MAPK8: variants seen among roughly 807,000 people sequenced by gnomAD.
MAPK8 encodes mitogen-activated protein kinase 8, also known as JUN N-terminal kinase.
In MAPK8, 13 loss-of-function variants were observed where a neutral mutation model predicts 52.9. That is an observed-to-expected ratio of 0.25 (90% CI 0.16 to 0.39). The LOEUF (loss-of-function observed/expected upper bound fraction) is 0.39, where lower values mean the gene tolerates loss of function less well. Ranked by LOEUF, MAPK8 falls within the 10% of genes least tolerant of loss-of-function variation. The probability of loss-of-function intolerance (pLI) is 1.00; values close to 1 mark genes in which losing one functional copy is unlikely to be tolerated. For synonymous variants in MAPK8, 191 were observed against 169.8 expected, an observed-to-expected ratio of 1.12 and a Z score of -0.97; for missense variants, 300 against 519.2, an observed-to-expected ratio of 0.58 and a Z score of 4.10.
At chr10:48,337,074 AAAACT>A (rs1309807480) in intron 1 of MAPK8, among the ~76,000 whole-genome samples, 3 of 152,198 alleles carry the variant, frequency 2.0e-5, no homozygotes, top group African/African-American at 7.2e-5. Context: ...ATCACCGCAG[AAAACT>A]AACAAATTCT....
intron 1 of MAPK8, among the ~76,000 whole-genome samples, chr10:48,340,641 C>G (rs1845164685): frequency 6.6e-6 from 1 of 152,200 alleles, no homozygotes; most frequent in Non-Finnish European, 1.5e-5. Context: ...GATGAGAAGT[C>G]TGTTGTAATT....
intron 9 of MAPK8, 137 bp downstream of exon 9, chr10:48,426,641 G>C: frequency 1.2e-6 from 1 of 801,364 alleles, no homozygotes. Context: ...TCTTCATGAA[G>C]ACTACGTCAA....
At chr10:48,434,599 C>T (rs1589337244) in intron 11 of MAPK8, among the ~76,000 whole-genome samples, 1 of 152,168 alleles carries the variant, frequency 6.6e-6, no homozygotes, top group East Asian at 1.9e-4. Flanking sequence ...GCTGCAGGAC[C>T]ATTTCTAAAT....
chr10:48,394,091 A>G (rs2041768606), intron 1 of MAPK8, among the ~76,000 whole-genome samples: 1 of 151,992 alleles, frequency 6.6e-6, no homozygotes, highest in African/African-American at 2.4e-5. Context: ...TTAAGAAGAA[A>G]TAGTTGCCAA....
intron 1 of MAPK8, among the ~76,000 whole-genome samples, chr10:48,352,054 TAAAC>T (rs1311675779): frequency 6.6e-6 from 1 of 152,196 alleles, no homozygotes; most frequent in East Asian, 1.9e-4. Context: ...TTTGATGAAA[TAAAC>T]TAAGTTTTCA....
chr10:48,352,495 A>G lies in MAPK8; in HGVS notation c.-50+45674A>G, dbSNP rs1001474422. On this transcript the variant is annotated intron_variant, in intron 1 of 11. Coordinates refer to ENST00000374189, the MANE Select transcript of MAPK8 (RefSeq NM_001323329.2). ...ATTTGAAAATCTGTCAATGTAATCT[A>G]TCAATGTAACCATATTAACAGGATC... Among the ~76,000 whole-genome samples the G allele has an allele frequency of 4.6e-5, 7 of 152,376 alleles. 1 individual carries two copies. The highest frequency in any genetic ancestry group is 3.9e-4 in the Admixed American group (6 of 15,308).
At chr10:48,340,593 A>G (rs891530096) in intron 1 of MAPK8, among the ~76,000 whole-genome samples, 1 of 152,146 alleles carries the variant, frequency 6.6e-6, no homozygotes, top group African/African-American at 2.4e-5. Flanking sequence ...CTATAAAACA[A>G]AGTTTTAGTT....
intron 1 of MAPK8, among the ~76,000 whole-genome samples, chr10:48,384,561 T>C (rs1351267116): frequency 6.6e-6 from 1 of 152,138 alleles, no homozygotes; most frequent in Non-Finnish European, 1.5e-5. Context: ...AAGCATAATA[T>C]ATGTGTGGAC....
rs75669288 is a variant in MAPK8, at chr10:48,399,026, A to G, written c.-49-2586A>G. On this transcript the variant is annotated intron_variant, in intron 1 of 11. Transcript: ENST00000374189. ...GCATTCGATTTGTTTTTTTCTGCCT[A>G]GAAAGCTCTCTCCTCTCCCTGTCTG... Among the ~76,000 whole-genome samples, 707 of 152,290 alleles carry G rather than the reference A, an allele frequency of 4.6e-3. 10 individuals are homozygous for G. The highest frequency in any genetic ancestry group is 0.029 in the South Asian group (140 of 4,826).
intron 1 of MAPK8, among the ~76,000 whole-genome samples, chr10:48,386,898 G>T (rs1464507734): frequency 6.6e-6 from 1 of 152,164 alleles, no homozygotes; most frequent in Non-Finnish European, 1.5e-5. Flanking sequence ...TAACTTGAAT[G>T]TCTGAATGAC....
intron 1 of MAPK8, among the ~76,000 whole-genome samples, chr10:48,320,814 T>C (rs1842926211): frequency 6.6e-6 from 1 of 152,180 alleles, no homozygotes; most frequent in African/African-American, 2.4e-5. Context: ...TTTTTCAAAG[T>C]GGCTGCACCA....
chr10:48,357,722 T>C (rs1416460953), intron 1 of MAPK8, among the ~76,000 whole-genome samples: 1 of 152,198 alleles, frequency 6.6e-6, no homozygotes, highest in Non-Finnish European at 1.5e-5. Flanking sequence ...AATCTTTTAA[T>C]TATAAAATAC....
At chr10:48,400,276 G>T (rs911603836) in intron 1 of MAPK8, among the ~76,000 whole-genome samples, 1 of 152,308 alleles carries the variant, frequency 6.6e-6, no homozygotes, top group African/African-American at 2.4e-5. Flanking sequence ...TTTTAGAAAT[G>T]TTTCTCTGGA....
intron 1 of MAPK8, among the ~76,000 whole-genome samples, chr10:48,323,543 C>G (rs1015174778): frequency 1.3e-5 from 2 of 152,100 alleles, no homozygotes; most frequent in Admixed American, 6.5e-5. Flanking sequence ...ATGAGAGATA[C>G]AAAATGATAC....
intron 1 of MAPK8, among the ~76,000 whole-genome samples, chr10:48,383,311 C>G (rs1269599649): frequency 6.6e-6 from 1 of 152,118 alleles, no homozygotes; most frequent in African/African-American, 2.4e-5. Context: ...TTTTGCTTGA[C>G]TGTACTCTCT....
At chr10:48,340,357 C>T (rs955867164) in intron 1 of MAPK8, among the ~76,000 whole-genome samples, 6 of 151,962 alleles carry the variant, frequency 3.9e-5, no homozygotes, top group Non-Finnish European at 7.4e-5. Flanking sequence ...TACACATGGA[C>T]GCAAAGATGG....
At chr10:48,408,985 C>T (rs559859213) in intron 3 of MAPK8, among the ~76,000 whole-genome samples, 10 of 152,298 alleles carry the variant, frequency 6.6e-5, no homozygotes, top group African/African-American at 1.7e-4. Context: ...CCATTATGAG[C>T]GCCCCACTCT....
chr10:48,424,447 ATTTC>A (rs898450304), intron 7 of MAPK8: 15 of 1,050,854 alleles, frequency 1.4e-5, no homozygotes, highest in African/African-American at 6.6e-5. Context: ...GTGTGATTTT[ATTTC>A]TTTCTTTTTT....
intron 1 of MAPK8, among the ~76,000 whole-genome samples, chr10:48,395,299 G>A (rs906020875): frequency 7.9e-5 from 12 of 151,968 alleles, no homozygotes; most frequent in Non-Finnish European, 1.3e-4. Context: ...GGTATTGGCC[G>A]AAGGATAAAC....
Sources: gnomAD v4.1 joint callset for allele counts (sites outside exome capture counted in the v4.1 genomes callset) on GRCh38, gnomAD v4.1.1 for gene constraint, MANE v1.5 for transcripts, NCBI Gene and HGNC (gene_info 2026-07-23, HGNC 2026-07-21) for gene names.